Variants in SPART observed in about 807,000 individuals in gnomAD.
SPART encodes spastic paraplegia 20 (Troyer syndrome).
SPART carries 35 observed loss-of-function variants against 58.7 expected under a neutral mutation model. That is an observed-to-expected ratio of 0.60 (90% CI 0.46 to 0.79). The LOEUF (loss-of-function observed/expected upper bound fraction) is 0.79. Among genes scored for constraint, SPART ranks in the 30% least tolerant of loss-of-function variants. The probability of loss-of-function intolerance (pLI) is 0.00; values close to 1 mark genes in which losing one functional copy is unlikely to be tolerated. For synonymous variants in SPART, 284 were observed against 280.7 expected (o/e 1.01, Z -0.12); for missense variants, 730 against 786.1 (o/e 0.93, Z 0.85).
upstream of SPART, among the ~76,000 whole-genome samples, chr13:36,348,810 C>A (rs920715086): frequency 2.0e-5 from 3 of 152,132 alleles, no homozygotes; most frequent in Admixed American, 6.5e-5. Context: ...GTGTCAAGAT[C>A]CCAAATGACT....
rs146611477 is a variant in SPART, at chr13:36,359,382, A to G, written c.-3+10707T>C. On this transcript the variant is annotated intron_variant, in intron 1 of 8. Coordinates refer to the SPART transcript ENST00000355182. ...TGTCTTATTGTTTATCCAATTCCCA[A>G]GAGGTAATATACTTTGGAAAAATCT... Among the ~76,000 whole-genome samples the G allele has an allele frequency of 7.0e-3, 1,072 of 152,342 alleles. 18 individuals carry two copies. Among genetic ancestry groups the G allele is most frequent in the African/African-American group, 0.025 (1,027 of 41,570 alleles).
chr13:36,313,334 A>C (rs1319460159), intron 6 of SPART, among the ~76,000 whole-genome samples: 2 of 152,222 alleles, frequency 1.3e-5, no homozygotes, highest in Non-Finnish European at 2.9e-5. Context: ...ATAAGATTAT[A>C]ATGGAGCTGA....
chr13:36,317,336 C>T (rs1362033116), intron 5 of SPART, among the ~76,000 whole-genome samples: 4 of 152,066 alleles, frequency 2.6e-5, no homozygotes. Context: ...CCTTCTCCTT[C>T]ACTCTTAGCA....
At chr13:36,367,447 C>G (rs1353066364) in intron 1 of SPART, among the ~76,000 whole-genome samples, 2 of 152,136 alleles carry the variant, frequency 1.3e-5, no homozygotes, top group Admixed American at 6.5e-5. Flanking sequence ...ACACCGCCTC[C>G]TCCAGCCTCT....
chr13:36,305,882 T>C (rs1315357145), intron 8 of SPART, among the ~76,000 whole-genome samples: 1 of 152,206 alleles, frequency 6.6e-6, no homozygotes, highest in Non-Finnish European at 1.5e-5. Flanking sequence ...TCCTAGATGC[T>C]TTATGACCTA....
At chr13:36,327,662 A>C (rs751564219) in intron 4 of SPART, among the ~76,000 whole-genome samples, 1 of 152,166 alleles carries the variant, frequency 6.6e-6, no homozygotes. Context: ...CTACGCATAA[A>C]ATATATCTAG....
chr13:36,331,276 C>G, intron 3 of SPART, 123 bp downstream of exon 3: 1 of 876,932 alleles, frequency 1.1e-6, no homozygotes, highest in Non-Finnish European at 1.9e-6. Flanking sequence ...AACACACAAA[C>G]AAATGGTGAA....
At chr13:36,359,740 C>T (rs1207547267) in intron 1 of SPART, among the ~76,000 whole-genome samples, 1 of 152,008 alleles carries the variant, frequency 6.6e-6, no homozygotes, top group Non-Finnish European at 1.5e-5. Context: ...ATTCAGAGTC[C>T]AAATTCTGGA....
chr13:36,343,466 C>T (rs1646248840), intron 1 of SPART, among the ~76,000 whole-genome samples: 1 of 151,830 alleles, frequency 6.6e-6, no homozygotes, highest in Non-Finnish European at 1.5e-5. Context: ...AATGATGTAC[C>T]AATATTAAAA....
intron 1 of SPART, among the ~76,000 whole-genome samples, chr13:36,342,859 T>G (rs1884709067): frequency 6.6e-6 from 1 of 152,210 alleles, no homozygotes; most frequent in Admixed American, 6.5e-5. Context: ...CCTGAGAATA[T>G]GCCCATTGTC....
At chr13:36,353,973 G>A (rs1177705553) in intron 1 of SPART, among the ~76,000 whole-genome samples, 2 of 152,184 alleles carry the variant, frequency 1.3e-5, no homozygotes, top group East Asian at 1.9e-4. Flanking sequence ...CTATTCAGAT[G>A]TCAAAGGATG....
chr13:36,348,678 A>T (rs1166585646), upstream of SPART, among the ~76,000 whole-genome samples: 1 of 152,222 alleles, frequency 6.6e-6, no homozygotes, highest in African/African-American at 2.4e-5. Flanking sequence ...ACCATACAAC[A>T]TTGCTGAAAG....
At chr13:36,314,940 T>C (rs1409804952) in intron 5 of SPART, among the ~76,000 whole-genome samples, 5 of 152,248 alleles carry the variant, frequency 3.3e-5, no homozygotes, top group African/African-American at 1.2e-4. Context: ...CTAAAAGCTT[T>C]AGTCAGGGGG....
rs760515056 is a variant in SPART, at chr13:36,331,600, A to G, written c.811-4T>C. ...GAGGATATAACCAGTCACAAACCTG[A>G]AAGGATTCATTAGAAGAAAAAAAAT... On this transcript the variant is annotated splice_polypyrimidine_tract_variant and splice_region_variant and intron_variant, in intron 2 of 8. Transcript: ENST00000438666. 6.2e-7 allele frequency: 1 copy of G among 1,610,150 alleles called. No homozygotes were observed. Among genetic ancestry groups the G allele is most frequent in the Admixed American group, 1.7e-5 (1 of 59,968 alleles).
intron 8 of SPART, among the ~76,000 whole-genome samples, chr13:36,309,618 C>T (rs560634201): frequency 3.2e-4 from 48 of 152,140 alleles, no homozygotes; most frequent in African/African-American, 9.6e-4. Context: ...TTATTCTAAG[C>T]GAATTAATGC....
chr13:36,312,114 GATTT>G, intron 8 of SPART, 27 bp downstream of exon 8: 1 of 1,582,706 alleles, frequency 6.3e-7, no homozygotes, highest in Non-Finnish European at 8.7e-7. Flanking sequence ...ACAAAACAGA[GATTT>G]AGTCATTAAA....
Position 36,335,672 on chromosome 13 carries a change from C to T in SPART, c.159G>A (p.Leu53=). Residue 53 remains leucine (L), a synonymous_variant, in exon 2 of 9, where the codon CTG becomes CTA. Transcript: ENST00000438666. ...TTGATGAAATGCTGATCCCTCTGAG[C>T]AGGTGTCCTATTCCTTGCTTATAGT... is the stretch of plus-strand genomic sequence containing the variant. ...KNYYKQGIGH[L]LRGISISSKE... The T allele has an allele frequency of 6.2e-7, 1 of 1,614,176 alleles. No homozygotes were observed.
At chr13:36,310,081 T>C (rs1425532147) in intron 8 of SPART, among the ~76,000 whole-genome samples, 1 of 152,174 alleles carries the variant, frequency 6.6e-6, no homozygotes, top group Non-Finnish European at 1.5e-5. Flanking sequence ...AGGAGAGTAA[T>C]CTTTAACAAG....
At chr13:36,317,955 T>C (rs576758886) in intron 5 of SPART, among the ~76,000 whole-genome samples, 14 of 152,298 alleles carry the variant, frequency 9.2e-5, no homozygotes, top group African/African-American at 3.1e-4. Context: ...CGTCCAGGCA[T>C]TCTTTTACAC....
Sources: allele counts gnomAD v4.1 joint callset (sites outside exome capture counted in the v4.1 genomes callset), GRCh38; gene constraint gnomAD v4.1.1; transcripts MANE v1.5; gene names NCBI Gene and HGNC (gene_info 2026-07-23, HGNC 2026-07-21).